SLC22A16: variants seen among roughly 807,000 people sequenced by gnomAD.
SLC22A16 encodes solute carrier family 22 member 16.
A neutral mutation model predicts 52.9 loss-of-function variants in SLC22A16; 53 were observed. The observed-to-expected ratio is 1.00, with a 90% CI of 0.80 to 1.26. The LOEUF (loss-of-function observed/expected upper bound fraction) is 1.26, where lower values mean the gene tolerates loss of function less well. Among genes scored for constraint, SLC22A16 ranks in the 50% most tolerant of loss-of-function variants. The probability of loss-of-function intolerance (pLI) is 0.00; values close to 1 mark genes in which losing one functional copy is unlikely to be tolerated. For missense variants in SLC22A16, 726 were observed against 704.0 expected, an observed-to-expected ratio of 1.03 and a Z score of -0.35; for synonymous variants, 291 against 268.8, an observed-to-expected ratio of 1.08 and a Z score of -0.81.
chr6:110,442,338 C>T lies in SLC22A16; in HGVS notation c.1089G>A (p.Trp363Ter). 1 of 1,614,146 alleles carries T rather than the reference C, an allele frequency of 6.2e-7. No homozygotes were observed. The highest frequency in any genetic ancestry group is 8.5e-7 in the Non-Finnish European group (1 of 1,180,018). ...CCAAACTTCCAGTGAACCAGATTAGCCAAACGGTAAGTGTCCTTTTCGTAA... is the reference window on the plus strand; with the variant it reads ...CCAAACTTCCAGTGAACCAGATTAGTCAAACGGTAAGTGTCCTTTTCGTAA... The part of the protein sequence containing the change: ...WSITKRTLTV[W>*]LIWFTGSLGF... The change falls in exon 4 of 8, where the codon TGG (tryptophan) becomes TGA (stop). Residue 363 changes from tryptophan to a stop codon, truncating the protein, a stop_gained. Coordinates refer to ENST00000368919, the MANE Select transcript of SLC22A16 (RefSeq NM_033125.4). LOFTEE classifies it high-confidence loss of function.
chr6:110,454,698 ATTTTTT>A lies in SLC22A16; in HGVS notation c.533+1834_533+1839del, dbSNP rs1562292525. 5.3e-4 allele frequency among the ~76,000 whole-genome samples: 40 copies of A among 76,112 alleles called. 4 individuals are homozygous for A. Among genetic ancestry groups the A allele is most frequent in the African/African-American group, 2.3e-3 (38 of 16,342 alleles). The allele number at this position is 76,112 out of a possible 152,430, so 49.9% of individuals were successfully genotyped here. A position where few individuals can be genotyped will look rare whatever the true frequency, so the allele number is the denominator to read the frequency against. On this transcript the variant is annotated intron_variant, in intron 2 of 7. Transcript: ENST00000368919. ...ATATTATATATTTTATATTATATAT[ATTTTTT>A]GTATATATATTTTATATATATTATA...
At chr6:110,440,955 T>G (rs1488806256) in intron 4 of SLC22A16, among the ~76,000 whole-genome samples, 2 of 152,194 alleles carry the variant, frequency 1.3e-5, no homozygotes, top group African/African-American at 4.8e-5. Flanking sequence ...TAGAGCAACA[T>G]GAATTCTGCT....
At chr6:110,428,646 T>C (rs958903233) in intron 7 of SLC22A16, among the ~76,000 whole-genome samples, 1 of 152,226 alleles carries the variant, frequency 6.6e-6, no homozygotes, top group Non-Finnish European at 1.5e-5. Flanking sequence ...CAGGGCATGG[T>C]GGTTTATGCC....
At chr6:110,466,027 A>G (rs373523925) in intron 1 of SLC22A16, among the ~76,000 whole-genome samples, 12 of 152,126 alleles carry the variant, frequency 7.9e-5, no homozygotes, top group African/African-American at 2.4e-4. Flanking sequence ...ACAAAAATAA[A>G]CAATGGGAAA....
chr6:110,429,651 C>T (rs13199128), intron 7 of SLC22A16, among the ~76,000 whole-genome samples: 11,805 of 152,212 alleles, frequency 0.078, 481 homozygotes, highest in Middle Eastern at 0.14. Flanking sequence ...TGCAAATGTC[C>T]TGCTCTGCAA....
chr6:110,468,422 A>T (rs1776145173), intron 1 of SLC22A16, among the ~76,000 whole-genome samples: 2 of 152,134 alleles, frequency 1.3e-5, no homozygotes, highest in African/African-American at 4.8e-5. Context: ...AGGCAGGTGG[A>T]TTACCTGAGG....
chr6:110,473,256 A>C (rs1400034860), intron 1 of SLC22A16, among the ~76,000 whole-genome samples: 9 of 152,144 alleles, frequency 5.9e-5, no homozygotes, highest in Non-Finnish European at 1.3e-4. Flanking sequence ...TCCATTGATG[A>C]AGGTCTGCCA....
chr6:110,458,528 AAAAT>A (rs1775753630), intron 1 of SLC22A16, among the ~76,000 whole-genome samples: 1 of 152,250 alleles, frequency 6.6e-6, no homozygotes. Flanking sequence ...CCCAAAGCAT[AAAAT>A]AAATATACAT....
chr6:110,460,514 C>A (rs1004583022), intron 1 of SLC22A16, among the ~76,000 whole-genome samples: 3 of 152,026 alleles, frequency 2.0e-5, no homozygotes, highest in African/African-American at 7.3e-5. Flanking sequence ...ACCCCTGTAA[C>A]AAACTGCTGA....
chr6:110,427,260 A>AAAAAAAAAAAAAAAAAAG (rs538137410), intron 7 of SLC22A16, among the ~76,000 whole-genome samples: 3 of 137,944 alleles, frequency 2.2e-5, no homozygotes, highest in African/African-American at 5.5e-5. Flanking sequence ...AAAAAAAAAA[A>AAAAAAAAAAAAAAAAAAG]AAAAGAAAAA....
chr6:110,470,690 A>G lies in SLC22A16; in HGVS notation c.53+5832T>C, dbSNP rs1776229865. 2.0e-5 allele frequency among the ~76,000 whole-genome samples: 3 copies of G among 151,920 alleles called. No individual in the cohort carries two copies. The South Asian group carries it at 6.2e-4, about 32-fold the overall frequency. On this transcript the variant is annotated intron_variant, in intron 1 of 7. Transcript: ENST00000368919. ...CTCTTTGTGTCTTTTTCTCTTGTGC[A>G]CACACACACATACACCAACACAGCA... is the stretch of plus-strand genomic sequence containing the variant.
At chr6:110,431,071 A>G in intron 7 of SLC22A16, 100 bp downstream of exon 7, 1 of 972,110 alleles carries the variant, frequency 1.0e-6, no homozygotes, top group Non-Finnish European at 1.6e-6. Flanking sequence ...TTAGGAAATG[A>G]TGTACTGGCT....
intron 7 of SLC22A16, among the ~76,000 whole-genome samples, chr6:110,430,842 G>C (rs1252094832): frequency 6.6e-6 from 1 of 152,242 alleles, no homozygotes; most frequent in African/African-American, 2.4e-5. Flanking sequence ...CAGGCCAGCG[G>C]GTGGGGGCAG....
intron 5 of SLC22A16, among the ~76,000 whole-genome samples, chr6:110,436,190 A>C (rs1444209629): frequency 6.6e-6 from 1 of 152,048 alleles, no homozygotes; most frequent in Non-Finnish European, 1.5e-5. Context: ...CTCCCCATCC[A>C]CTTTGGAGGG....
At chr6:110,454,733 A>G (rs1775543041) in intron 2 of SLC22A16, among the ~76,000 whole-genome samples, 1 of 73,450 alleles carries the variant, frequency 1.4e-5, no homozygotes, top group African/African-American at 5.9e-5. Flanking sequence ...TATTATATGT[A>G]CATATAATAT....
intron 3 of SLC22A16, 90 bp from the exon 4 acceptor site, chr6:110,442,865 A>G: frequency 8.6e-7 from 1 of 1,168,756 alleles, no homozygotes; most frequent in South Asian, 1.6e-5. Context: ...TATAGGCAAA[A>G]AAGAAAATGA....
chr6:110,463,513 G>GAAAAAAAAAAA (rs1775959418), intron 1 of SLC22A16, among the ~76,000 whole-genome samples: 1 of 992 alleles, frequency 1.0e-3, no homozygotes, highest in Non-Finnish European at 2.2e-3. Context: ...AGTAACAACA[G>GAAAAAAAAAAA]TAAAAAAAAA....
At position 110,425,070 on chromosome 6, in the gene SLC22A16, T is replaced by C. The variant is rs1562272802; in HGVS notation, c.1537A>G (p.Met513Val). ...IFIPQLFVGT[M>V]ALLSGVLTLK... ...GTTAACACTCCACTCAGGAGGGCCA[T>C]AGTCCCAACAAACAACTAGAAGGAA... The change falls in exon 8 of 8, where the codon ATG becomes GTG. Residue 513 changes from methionine (M) to valine (V), a missense_variant. Transcript: ENST00000368919. 4 of 1,614,042 alleles carry C rather than the reference T, an allele frequency of 2.5e-6. No homozygotes were observed. Among genetic ancestry groups the C allele is most frequent in the East Asian group, 2.2e-5 (1 of 44,894 alleles).
intron 7 of SLC22A16, among the ~76,000 whole-genome samples, chr6:110,430,087 T>C (rs1774434747): frequency 6.6e-6 from 1 of 151,890 alleles, no homozygotes; most frequent in Admixed American, 6.6e-5. Flanking sequence ...GTCATGGCCA[T>C]GGTGCCTTCT....
Sources: allele counts gnomAD v4.1 joint callset (sites outside exome capture counted in the v4.1 genomes callset), GRCh38; gene constraint gnomAD v4.1.1; transcripts MANE v1.5; gene names NCBI Gene and HGNC (gene_info 2026-07-23, HGNC 2026-07-21).